ZNF714: variants seen among roughly 807,000 people sequenced by gnomAD.
ZNF714 encodes the protein zinc finger protein 714.
ZNF714 carries 32 observed loss-of-function variants against 46.2 expected under a neutral mutation model. The observed-to-expected ratio is 0.69, with a 90% CI of 0.52 to 0.93. The LOEUF (loss-of-function observed/expected upper bound fraction) is 0.93, where lower values mean the gene tolerates loss of function less well. ZNF714 is among the 40% of genes least tolerant of loss of function. The probability of loss-of-function intolerance (pLI) is 0.00; values close to 1 mark genes in which losing one functional copy is unlikely to be tolerated. For synonymous variants in ZNF714, 199 were observed against 213.1 expected, an observed-to-expected ratio of 0.93 and a Z score of 0.58; for missense variants, 635 against 646.3, an observed-to-expected ratio of 0.98 and a Z score of 0.19.
At position 21,082,339 on chromosome 19, in the gene ZNF714, C is replaced by T; in HGVS notation, c.-186C>T. The T allele has an allele frequency of 6.9e-7, 1 of 1,456,554 alleles. No individual in the cohort carries two copies. Among genetic ancestry groups the T allele is most frequent in the South Asian group, 1.1e-5 (1 of 89,716 alleles). The allele number at this position is 1,456,554 out of a possible 1,614,324, so 90.2% of individuals were successfully genotyped here. The stretch of plus-strand genomic sequence containing the variant: ...GCTAAGACGCCAGGTACCCCGGAAG[C>T]CTAGAAATGGTGAGAGTGCCGGGTC... On this transcript the variant is annotated 5_prime_UTR_variant, in exon 1 of 5. Transcript: ENST00000456283.
In ZNF714 at chr19:21,085,881, TAAA is replaced by T. The variant is rs34378470; in HGVS notation, c.-85+1824_-85+1826del. Among the ~76,000 whole-genome samples, 14 of 145,396 alleles carry T rather than the reference TAAA, an allele frequency of 9.6e-5. 1 individual carries two copies. Among genetic ancestry groups the T allele is most frequent in the Non-Finnish European group, 3.0e-5 (2 of 66,726 alleles). On this transcript the variant is annotated intron_variant, in intron 2 of 4. Coordinates refer to ENST00000456283, the MANE Select transcript of ZNF714 (RefSeq NM_182515.4). ...AATATCAAACAAAGTTAGGTTTATG[TAAA>T]AAAAAAAAAAAGAATTCCAAAGGAG...
intron 2 of ZNF714, among the ~76,000 whole-genome samples, chr19:21,090,047 C>T (rs551983640): frequency 1.2e-4 from 18 of 152,342 alleles, no homozygotes; most frequent in African/African-American, 4.1e-4. Flanking sequence ...ATATGTGTGA[C>T]AACACAGACA....
intron 3 of ZNF714, 67 bp downstream of exon 3, chr19:21,098,378 A>T (rs1184896128): frequency 1.9e-6 from 3 of 1,559,440 alleles, no homozygotes; most frequent in Non-Finnish European, 2.6e-6. Context: ...TTTTTGTAGA[A>T]TTTTCTTTGG....
rs36125838 is a variant in ZNF714, at chr19:21,116,968, TATA to T, written c.307_309del (p.Asn103del). ...TGAGTGTAAGGTGTACAAAAAAGGT[TATA>T]ATGAACTAAACCAGTGTTTGACAAC... is the stretch of plus-strand genomic sequence containing the variant. On this transcript the variant is annotated inframe_deletion, in exon 5 of 5. Coordinates refer to ENST00000456283, the MANE Select transcript of ZNF714 (RefSeq NM_182515.4). The T allele has an allele frequency of 0.091, 146,899 of 1,613,704 alleles. 8,282 individuals are homozygous for T. The highest frequency in any genetic ancestry group is 0.26 in the African/African-American group (19,174 of 74,932).
chr19:21,105,709 C>T (rs150621198), intron 4 of ZNF714, among the ~76,000 whole-genome samples: 1 of 151,930 alleles, frequency 6.6e-6, no homozygotes, highest in East Asian at 1.9e-4. Flanking sequence ...AATCTCAGCA[C>T]TTTGGGAGAT....
rs1969609191 is a variant in ZNF714 at position 21,116,941 on chromosome 19, G to C, written c.277G>C (p.Val93Leu). The C allele has an allele frequency of 1.9e-6, 3 of 1,613,132 alleles. No homozygotes were observed. The highest frequency in any genetic ancestry group is 1.7e-5 in the Admixed American group (1 of 59,918). The change falls in exon 5 of 5, where the codon GTT becomes CTT. Residue 93 changes from valine to leucine, a missense_variant. Transcript: ENST00000456283. ...GTTAAGAAAAGGCTCCGCAAATGTG[G>C]TTGAGTGTAAGGTGTACAAAAAAGG... is the stretch of plus-strand genomic sequence containing the variant. ...LQLRKGSANV[V>L]ECKVYKKGYN...
At chr19:21,099,959 G>A (rs1389250251) in intron 4 of ZNF714, among the ~76,000 whole-genome samples, 1 of 152,090 alleles carries the variant, frequency 6.6e-6, no homozygotes, top group Non-Finnish European at 1.5e-5. Flanking sequence ...GAGTTCAAGT[G>A]ATTCTCCTGC....
intron 4 of ZNF714, among the ~76,000 whole-genome samples, chr19:21,106,877 G>GAGTGC (rs1174744929): frequency 6.6e-6 from 1 of 152,040 alleles, no homozygotes; most frequent in East Asian, 1.9e-4. Context: ...CACCAGGCTG[G>GAGTGC]AGTGCAGTGG....
Position 21,095,034 on chromosome 19 carries a change from T to C in ZNF714, c.-84-3151T>C, listed in dbSNP as rs976023866. Among the ~76,000 whole-genome samples the C allele has an allele frequency of 1.4e-4, 22 of 152,230 alleles. 1 individual carries two copies. The highest frequency in any genetic ancestry group is 2.0e-4 in the Admixed American group (3 of 15,290). ...TCTGTAAACCTGCCTAACTTCTTTA[T>C]GAATTCTGGGTATTAAACCTTTGTC... On this transcript the variant is annotated intron_variant, in intron 2 of 4. Coordinates refer to ENST00000456283, the MANE Select transcript of ZNF714 (RefSeq NM_182515.4).
chr19:21,107,983 A>C (rs1969362888), intron 4 of ZNF714, among the ~76,000 whole-genome samples: 1 of 152,140 alleles, frequency 6.6e-6, no homozygotes, highest in Admixed American at 6.5e-5. Context: ...GAGTACATTG[A>C]CATAAATTTG....
At chr19:21,090,226 G>A (rs537383935) in intron 2 of ZNF714, among the ~76,000 whole-genome samples, 103 of 152,318 alleles carry the variant, frequency 6.8e-4, no homozygotes, top group Non-Finnish European at 1.3e-3. Flanking sequence ...GAGAGAAAAA[G>A]CATTGCCTGT....
chr19:21,113,448 TG>T (rs1391075678), intron 4 of ZNF714, among the ~76,000 whole-genome samples: 2 of 151,928 alleles, frequency 1.3e-5, no homozygotes, highest in Non-Finnish European at 2.9e-5. Context: ...TCAGTTCTTT[TG>T]CATTTGCTGA....
chr19:21,091,563 AG>A (rs2044789625), intron 2 of ZNF714: 1 of 152,036 alleles, frequency 6.6e-6, no homozygotes, highest in African/African-American at 2.4e-5. Flanking sequence ...GCACCATCTA[AG>A]TCATAATGGG....
At chr19:21,102,525 G>A (rs1255295418) in intron 4 of ZNF714, among the ~76,000 whole-genome samples, 1 of 152,138 alleles carries the variant, frequency 6.6e-6, no homozygotes, top group Non-Finnish European at 1.5e-5. Context: ...CTTTGCTTAA[G>A]TTGGATTACA....
rs774894771 is a variant in ZNF714, at chr19:21,117,542, C to A, written c.878C>A (p.Ala293Asp). The change falls in exon 5 of 5, where the codon GCT becomes GAT. Residue 293 changes from alanine to aspartate, a missense_variant. Ala to Asp is a moderately radical substitution (Grantham distance 126). Transcript: ENST00000456283. ...TACAAATGTGAAGAATGTGACAAAGCTTTTAACCGATTCTCATACCTTACT... is the reference window on the plus strand; with the variant it reads ...TACAAATGTGAAGAATGTGACAAAGATTTTAACCGATTCTCATACCTTACT... ...KPYKCEECDKAFNRFSYLTKH... is the reference protein window; with the variant it reads ...KPYKCEECDKDFNRFSYLTKH... The A allele has an allele frequency of 1.9e-6, 3 of 1,606,184 alleles. No individual in the cohort carries two copies. The Admixed American group carries it at 5.1e-5, about 28-fold the overall frequency.
At chr19:21,111,252 G>C (rs532145720) in intron 4 of ZNF714, among the ~76,000 whole-genome samples, 2 of 152,024 alleles carry the variant, frequency 1.3e-5, no homozygotes, top group African/African-American at 4.8e-5. Flanking sequence ...CTTGTGCAGC[G>C]GTTTGTAGTT....
At chr19:21,109,697 C>A in intron 4 of ZNF714, 2 of 157,888 alleles carry the variant, frequency 1.3e-5, no homozygotes, top group South Asian at 3.8e-4. Flanking sequence ...CTTATTAACC[C>A]CTCACCTCGG....
chr19:21,112,566 TCTG>T (rs763984630), intron 4 of ZNF714, among the ~76,000 whole-genome samples: 17 of 151,522 alleles, frequency 1.1e-4, no homozygotes, highest in Non-Finnish European at 2.2e-4. Flanking sequence ...TTTTTGTGTC[TCTG>T]TGTCCTTCAC....
chr19:21,117,270 A>G lies in ZNF714; in HGVS notation c.606A>G (p.Lys202=), dbSNP rs764598434. The G allele has an allele frequency of 6.2e-7, 1 of 1,613,994 alleles. No homozygotes were observed. Among genetic ancestry groups the G allele is most frequent in the Non-Finnish European group, 8.5e-7 (1 of 1,179,912 alleles). ...KRVHTGEKPF[K]CEECGKAFKH... is the part of the protein sequence containing the mutation. ...TTCATACTGGAGAGAAACCCTTCAAATGTGAAGAATGTGGCAAAGCTTTTA... is the reference window on the plus strand; with the variant it reads ...TTCATACTGGAGAGAAACCCTTCAAGTGTGAAGAATGTGGCAAAGCTTTTA... The change falls in exon 5 of 5, where the codon AAA becomes AAG. Residue 202 remains lysine, a synonymous_variant. Transcript: ENST00000456283.
Sources: allele counts gnomAD v4.1 joint callset (sites outside exome capture counted in the v4.1 genomes callset), GRCh38; gene constraint gnomAD v4.1.1; transcripts MANE v1.5; gene names NCBI Gene and HGNC (gene_info 2026-07-23, HGNC 2026-07-21).